The following ATP2B2 variants were observed in gnomAD, a reference collection of about 807,000 sequenced individuals.
ATP2B2 encodes the protein plasma membrane calcium-transporting ATPase 2.
Under a neutral mutation model 120.0 loss-of-function variants are expected in ATP2B2, and 15 were observed. The observed-to-expected ratio is 0.12, with a 90% CI of 0.08 to 0.19. ATP2B2 has a LOEUF of 0.19. Among genes scored for constraint, ATP2B2 ranks in the 10% least tolerant of loss-of-function variants. The pLI, the probability that ATP2B2 is intolerant of heterozygous loss-of-function variation, is 1.00. For missense variants in ATP2B2, 1,045 were observed against 1,719.8 expected (o/e 0.61, Z 6.94); for synonymous variants, 694 against 700.3 (o/e 0.99, Z 0.14).
intron 1 of ATP2B2, among the ~76,000 whole-genome samples, chr3:10,657,067 G>A (rs528040119): frequency 2.0e-5 from 3 of 152,186 alleles, no homozygotes; most frequent in Non-Finnish European, 4.4e-5. Flanking sequence ...GTTTGTTTTT[G>A]TTTTTGGAGA....
chr3:10,375,715 T>G lies in ATP2B2; in HGVS notation c.1202-71A>C, dbSNP rs1034599236. ...GCTGGGGGTGGTGTGGACCAAATCT[T>G]TGGCTGAAAGAGCTCCGGGTCAGGC... is the stretch of plus-strand genomic sequence containing the variant. On this transcript the variant is annotated intron_variant, in intron 10 of 22. Transcript: ENST00000360273. The surrounding 1 kb of genome is among the most constrained non-coding windows in gnomAD (Gnocchi z 4.2). The G allele has an allele frequency of 3.9e-5, 56 of 1,445,988 alleles. No homozygotes were observed. Among genetic ancestry groups the G allele is most frequent in the Non-Finnish European group, 5.2e-5 (54 of 1,040,132 alleles). 89.6% of individuals were successfully genotyped at this position (1,445,988 alleles called of 1,614,324 possible). A position where few individuals can be genotyped will look rare whatever the true frequency, so the allele number is the denominator to read the frequency against.
chr3:10,426,578 A>G (rs1168874287), intron 2 of ATP2B2, among the ~76,000 whole-genome samples: 1 of 152,164 alleles, frequency 6.6e-6, no homozygotes, highest in African/African-American at 2.4e-5. Flanking sequence ...CCAGACCCCC[A>G]AGGCCATGAA....
intron 1 of ATP2B2, among the ~76,000 whole-genome samples, chr3:10,504,209 T>C (rs908348196): frequency 1.2e-4 from 18 of 151,844 alleles, no homozygotes; most frequent in Admixed American, 1.1e-3. Flanking sequence ...GCCCCTTCTT[T>C]GCCACTGCTC....
intron 2 of ATP2B2, among the ~76,000 whole-genome samples, chr3:10,587,334 A>ATC (rs1429686995): frequency 3.1e-5 from 4 of 128,926 alleles, no homozygotes; most frequent in Admixed American, 8.0e-5. Flanking sequence ...CTCAATATAT[A>ATC]TGTATATATA....
intron 1 of ATP2B2, among the ~76,000 whole-genome samples, chr3:10,660,394 A>G (rs1261176433): frequency 6.6e-6 from 1 of 152,230 alleles, no homozygotes; most frequent in Admixed American, 6.5e-5. Context: ...AAATAGATGC[A>G]ATAAAAAATG....
At chr3:10,545,405 T>C (rs1372292256) in intron 2 of ATP2B2, among the ~76,000 whole-genome samples, 1 of 152,102 alleles carries the variant, frequency 6.6e-6, no homozygotes, top group Admixed American at 6.6e-5. Flanking sequence ...GGTGGGTGCC[T>C]GTAATCCCAG....
At chr3:10,397,868 G>C (rs1331829502) in intron 5 of ATP2B2, among the ~76,000 whole-genome samples, 1 of 152,168 alleles carries the variant, frequency 6.6e-6, no homozygotes, top group African/African-American at 2.4e-5. Context: ...TCTTTTGTCT[G>C]ATAATGGTCC....
intron 1 of ATP2B2, among the ~76,000 whole-genome samples, chr3:10,679,223 A>C (rs2071321957): frequency 2.0e-5 from 3 of 152,180 alleles, no homozygotes; most frequent in Admixed American, 2.0e-4. Flanking sequence ...TGGTGTATGG[A>C]AACTGTGAGA....
intron 1 of ATP2B2, among the ~76,000 whole-genome samples, chr3:10,471,572 G>A (rs1460128729): frequency 1.3e-5 from 2 of 151,970 alleles, no homozygotes. Flanking sequence ...TGGGAGGAGA[G>A]GGAGGGAGGA....
At chr3:10,544,669 G>C (rs1289413417) in intron 2 of ATP2B2, among the ~76,000 whole-genome samples, 1 of 152,188 alleles carries the variant, frequency 6.6e-6, no homozygotes, top group Non-Finnish European at 1.5e-5. Flanking sequence ...CCTCTTTGAA[G>C]GGGTGCACAG....
At chr3:10,706,456 A>T (rs1418559514) in intron 1 of ATP2B2, among the ~76,000 whole-genome samples, 1 of 152,200 alleles carries the variant, frequency 6.6e-6, no homozygotes, top group Non-Finnish European at 1.5e-5. Context: ...GCCCAGAGTT[A>T]GCCCACCCAG....
chr3:10,578,136 T>G (rs973379039), intron 2 of ATP2B2, among the ~76,000 whole-genome samples: 1 of 152,184 alleles, frequency 6.6e-6, no homozygotes, highest in Non-Finnish European at 1.5e-5. Context: ...CCTACCATAG[T>G]GGCGAAACCT....
intron 2 of ATP2B2, among the ~76,000 whole-genome samples, chr3:10,598,467 G>A (rs1470233028): frequency 1.3e-5 from 2 of 152,210 alleles, no homozygotes; most frequent in African/African-American, 4.8e-5. Flanking sequence ...GTGTTCTTAA[G>A]TGACAAAATT....
chr3:10,410,808 C>T lies in ATP2B2; in HGVS notation c.207G>A (p.Pro69=), dbSNP rs759981474. 3.5e-5 allele frequency: 56 copies of T among 1,613,746 alleles called. No individual in the cohort carries two copies. The highest frequency in any genetic ancestry group is 5.5e-5 in the South Asian group (5 of 91,074). ...RLKTSPVEGL[P]GTAPDLEKRK... Reference sequence around the variant, plus strand: ...TCTTTTCCAGGTCTGGAGCGGTGCCCGGCAAACCTGTGGACAGAGAACAGA... The same window carrying T: ...TCTTTTCCAGGTCTGGAGCGGTGCCTGGCAAACCTGTGGACAGAGAACAGA... The change falls in exon 3 of 23, where the codon CCG becomes CCA. Residue 69 remains proline, a synonymous_variant. Transcript: ENST00000360273.
At chr3:10,354,307 G>C (rs1230723289) in intron 14 of ATP2B2, among the ~76,000 whole-genome samples, 1 of 152,154 alleles carries the variant, frequency 6.6e-6, no homozygotes, top group Non-Finnish European at 1.5e-5. Flanking sequence ...TCAAACCCCA[G>C]AGGCATCGAT....
chr3:10,521,108 C>A (rs954748861), intron 3 of ATP2B2, among the ~76,000 whole-genome samples: 11 of 152,318 alleles, frequency 7.2e-5, no homozygotes, highest in Admixed American at 3.3e-4. Context: ...TGCCTGAGAC[C>A]CTTGCCAGCT....
At chr3:10,337,887 C>T (rs2060167431) in intron 22 of ATP2B2, among the ~76,000 whole-genome samples, 2 of 152,192 alleles carry the variant, frequency 1.3e-5, no homozygotes, top group Non-Finnish European at 2.9e-5. Context: ...CCACCCTTCC[C>T]CACCCTCTCA....
At position 10,325,745 on chromosome 3, in the gene ATP2B2, A is replaced by G. The variant is rs1474729850; in HGVS notation, c.*3069T>C. Reference sequence around the variant, plus strand: ...TCAGAGCTCTCTCTGCTCACCTCCAAAGATGAGTGATTCTGCAGCGCCAGG... The same window carrying G: ...TCAGAGCTCTCTCTGCTCACCTCCAGAGATGAGTGATTCTGCAGCGCCAGG... On this transcript the variant is annotated 3_prime_UTR_variant, in exon 23 of 23. Coordinates refer to ENST00000360273, the MANE Select transcript of ATP2B2 (RefSeq NM_001001331.4). 2 of 152,172 alleles carry G rather than the reference A, an allele frequency of 1.3e-5. No homozygotes were observed. Among genetic ancestry groups the G allele is most frequent in the African/African-American group, 4.8e-5 (2 of 41,438 alleles). The allele number at this position is 152,172 out of a possible 1,614,324, so 9.4% of individuals were successfully genotyped here.
At chr3:10,370,790 G>T (rs2061215178) in intron 12 of ATP2B2, among the ~76,000 whole-genome samples, 2 of 152,166 alleles carry the variant, frequency 1.3e-5, no homozygotes, top group Admixed American at 6.5e-5. Flanking sequence ...AAACAAAAAA[G>T]CTTAGCTGAT....
Sources: gnomAD v4.1 joint callset for allele counts (sites outside exome capture counted in the v4.1 genomes callset) on GRCh38, gnomAD v4.1.1 for gene constraint, Gnocchi (gnomAD v3.1) non-coding constraint, MANE v1.5 for transcripts, NCBI Gene and HGNC (gene_info 2026-07-23, HGNC 2026-07-21) for gene names.